LPP: variants seen among roughly 807,000 people sequenced by gnomAD.
The protein encoded by LPP is LIM domain containing preferred translocation partner in lipoma.
Under a neutral mutation model 60.4 loss-of-function variants are expected in LPP, and 38 were observed. The observed-to-expected ratio is 0.63, with a 90% confidence interval of 0.49 to 0.83. The LOEUF is 0.83. LPP is among the 40% of genes least tolerant of loss of function. The pLI, the probability that LPP is intolerant of heterozygous loss-of-function variation, is 0.00. For synonymous variants in LPP, 328 were observed against 290.8 expected (o/e 1.13, Z -1.30); for missense variants, 902 against 783.6 (o/e 1.15, Z -1.80).
chr3:188,575,278 T>C (rs1834365961), intron 6 of LPP, among the ~76,000 whole-genome samples: 1 of 152,168 alleles, frequency 6.6e-6, no homozygotes, highest in Non-Finnish European at 1.5e-5. Context: ...AAACAAAACT[T>C]ATTTTGATTT....
intron 2 of LPP, among the ~76,000 whole-genome samples, chr3:188,287,476 C>T (rs576918394): frequency 1.4e-4 from 22 of 152,328 alleles, no homozygotes; most frequent in African/African-American, 5.3e-4. Flanking sequence ...TGACACTTCA[C>T]TCTTCCCTCC....
At chr3:188,448,386 T>A (rs199779188) in intron 4 of LPP, among the ~76,000 whole-genome samples, 1 of 4,028 alleles carries the variant, frequency 2.5e-4, no homozygotes, top group Non-Finnish European at 1.7e-3. Flanking sequence ...CTATCTATAT[T>A]GAGATATCTA....
intron 5 of LPP, among the ~76,000 whole-genome samples, chr3:188,511,727 A>G (rs1181046284): frequency 2.0e-5 from 3 of 152,072 alleles, no homozygotes; most frequent in Non-Finnish European, 4.4e-5. Context: ...ACATCTACTA[A>G]TCTCTAGGAT....
At chr3:188,262,077 T>C (rs1336497063) in intron 2 of LPP, among the ~76,000 whole-genome samples, 1 of 152,208 alleles carries the variant, frequency 6.6e-6, no homozygotes, top group Non-Finnish European at 1.5e-5. Flanking sequence ...GGTTGACGAA[T>C]GCATGGGATT....
chr3:188,240,228 C>A (rs901654543), intron 2 of LPP: 2 of 176,430 alleles, frequency 1.1e-5, no homozygotes, highest in African/African-American at 4.7e-5. Flanking sequence ...TTTAAAAATC[C>A]TTTTGGTATC....
At chr3:188,650,714 T>C (rs57273025) in intron 7 of LPP, among the ~76,000 whole-genome samples, 1,524 of 152,294 alleles carry the variant, frequency 0.01, 31 homozygotes, top group African/African-American at 0.035. Flanking sequence ...GATTTTACAT[T>C]ATCTGAGTGA....
At chr3:188,288,642 A>G (rs1342904909) in intron 2 of LPP, among the ~76,000 whole-genome samples, 1 of 152,080 alleles carries the variant, frequency 6.6e-6, no homozygotes, top group Non-Finnish European at 1.5e-5. Flanking sequence ...ATACGTGCAC[A>G]CCTATGCACA....
intron 1 of LPP, among the ~76,000 whole-genome samples, chr3:188,159,850 A>G (rs980518994): frequency 2.0e-5 from 3 of 152,206 alleles, no homozygotes; most frequent in East Asian, 1.9e-4. Context: ...TCACACAGAC[A>G]GGTGGTCTGG....
chr3:188,826,811 C>T (rs1755667344), intron 9 of LPP, among the ~76,000 whole-genome samples: 2 of 152,042 alleles, frequency 1.3e-5, no homozygotes, highest in African/African-American at 4.8e-5. Context: ...TCTATGTCAT[C>T]CTTAATCACT....
intron 6 of LPP, among the ~76,000 whole-genome samples, chr3:188,529,904 T>A (rs1346887194): frequency 6.6e-6 from 1 of 152,254 alleles, no homozygotes; most frequent in Non-Finnish European, 1.5e-5. Flanking sequence ...AATCACCACG[T>A]GTCAAAATTA....
rs185496925 is a variant in LPP, at chr3:188,826,296, G to A, written c.1411-39904G>A. Among the ~76,000 whole-genome samples, 32 of 152,236 alleles carry A rather than the reference G, an allele frequency of 2.1e-4. No homozygotes were observed. The East Asian group carries it at 5.2e-3, about 25-fold the overall frequency. On this transcript the variant is annotated intron_variant, in intron 9 of 11. Transcript: ENST00000617246. The stretch of plus-strand genomic sequence containing the variant: ...GTGAGGGGCTAACAAAATGCTCTGC[G>A]GTTTCTGCAGGTTTCCTTATAGGAG...
chr3:188,825,785 G>T (rs375402098), intron 9 of LPP, among the ~76,000 whole-genome samples: 5 of 152,040 alleles, frequency 3.3e-5, no homozygotes, highest in African/African-American at 1.2e-4. Context: ...TTGTTTGTTT[G>T]TTTTGCCAGA....
chr3:188,484,546 A>G (rs974252677), intron 4 of LPP, 46 bp from the exon 5 acceptor site: 1 of 1,347,770 alleles, frequency 7.4e-7, no homozygotes. Flanking sequence ...GAGTACTATA[A>G]CGTTGCATCC....
intron 3 of LPP, among the ~76,000 whole-genome samples, chr3:188,375,254 G>A (rs1292051123): frequency 6.6e-6 from 1 of 152,130 alleles, no homozygotes; most frequent in East Asian, 1.9e-4. Flanking sequence ...CTCTATTTCT[G>A]TTGATTGCAA....
intron 8 of LPP, among the ~76,000 whole-genome samples, chr3:188,731,722 C>T (rs1720680096): frequency 6.6e-6 from 1 of 152,056 alleles, no homozygotes; most frequent in Non-Finnish European, 1.5e-5. Context: ...CAGGGTTTCA[C>T]CATGCTGGCC....
chr3:188,558,471 G>A (rs935178918), intron 6 of LPP, among the ~76,000 whole-genome samples: 3 of 152,008 alleles, frequency 2.0e-5, no homozygotes, highest in African/African-American at 7.2e-5. Context: ...ACCCTGTTAT[G>A]GTTGTGGTCA....
intron 3 of LPP, among the ~76,000 whole-genome samples, chr3:188,342,475 T>A (rs966565773): frequency 6.6e-6 from 1 of 152,220 alleles, no homozygotes; most frequent in African/African-American, 2.4e-5. Context: ...ACCTGCTGAA[T>A]CTGTACCTTC....
chr3:188,563,563 T>TGC (rs1831310254), intron 6 of LPP, among the ~76,000 whole-genome samples: 4 of 151,830 alleles, frequency 2.6e-5, no homozygotes, highest in South Asian at 2.1e-4. Flanking sequence ...ATACTATTTT[T>TGC]AATTCTGTAT....
chr3:188,765,468 A>T (rs975037616), intron 9 of LPP, among the ~76,000 whole-genome samples: 1 of 152,214 alleles, frequency 6.6e-6, no homozygotes, highest in Non-Finnish European at 1.5e-5. Context: ...GGGAATAGTT[A>T]TCTCTTCCAT....
Sources: allele counts gnomAD v4.1 joint callset (sites outside exome capture counted in the v4.1 genomes callset), GRCh38; gene constraint gnomAD v4.1.1; transcripts MANE v1.5; gene names NCBI Gene and HGNC (gene_info 2026-07-23, HGNC 2026-07-21).